The following SCCPDH variants were observed in gnomAD, a reference collection of about 807,000 sequenced individuals.
SCCPDH encodes saccharopine dehydrogenase-like oxidoreductase.
A neutral mutation model predicts 51.5 loss-of-function variants in SCCPDH; 34 were observed. The observed-to-expected ratio is 0.66, with a 90% CI of 0.50 to 0.88. The LOEUF (loss-of-function observed/expected upper bound fraction) is 0.88. Ranked by LOEUF, SCCPDH falls within the 40% of genes least tolerant of loss-of-function variation. SCCPDH has a pLI of 0.00. For missense variants in SCCPDH, 464 were observed against 527.1 expected, an observed-to-expected ratio of 0.88 and a Z score of 1.17; for synonymous variants, 187 against 191.3, an observed-to-expected ratio of 0.98 and a Z score of 0.19.
chr1:246,759,825 A>G, intron 7 of SCCPDH, 132 bp from the exon 8 acceptor site: 1 of 944,462 alleles, frequency 1.1e-6, no homozygotes, highest in Non-Finnish European at 1.6e-6. Flanking sequence ...TTCAGAACAT[A>G]ATGCATTTGT....
At chr1:246,746,058 A>G (rs1668753822) in intron 5 of SCCPDH, among the ~76,000 whole-genome samples, 1 of 148,228 alleles carries the variant, frequency 6.7e-6, no homozygotes, top group Non-Finnish European at 1.5e-5. Flanking sequence ...CAGTGAGCCA[A>G]GATCGCACCG....
chr1:246,731,078 A>T (rs1292383310), intron 2 of SCCPDH, among the ~76,000 whole-genome samples: 1 of 152,194 alleles, frequency 6.6e-6, no homozygotes, highest in East Asian at 1.9e-4. Context: ...AAAAAGAAGA[A>T]GATGAGACAT....
intron 5 of SCCPDH, 95 bp downstream of exon 5, chr1:246,744,220 T>A (rs557502680): frequency 2.5e-5 from 15 of 589,342 alleles, no homozygotes; most frequent in Middle Eastern, 3.7e-4. Context: ...TAATTTTTAA[T>A]GTGTGAAAGT....
chr1:246,726,824 A>G lies in SCCPDH; in HGVS notation c.191-68A>G, dbSNP rs938047166. On this transcript the variant is annotated intron_variant, in intron 1 of 11. Coordinates refer to ENST00000366510, the MANE Select transcript of SCCPDH (RefSeq NM_016002.3). The stretch of plus-strand genomic sequence containing the variant: ...GTAATTTGCTGTCACTGATTACTGT[A>G]AAAAGAAGATAAGGAAGATATAATC... 5.2e-5 allele frequency: 58 copies of G among 1,114,788 alleles called. 1 individual carries two copies. Among genetic ancestry groups the G allele is most frequent in the Non-Finnish European group, 7.3e-5 (54 of 741,100 alleles). The allele number at this position is 1,114,788 out of a possible 1,614,324, so 69.1% of individuals were successfully genotyped here.
rs60006587 is a variant in SCCPDH at position 246,756,432 on chromosome 1, A to G, written c.565-1794A>G. On this transcript the variant is annotated intron_variant, in intron 5 of 11. Coordinates refer to ENST00000366510, the MANE Select transcript of SCCPDH (RefSeq NM_016002.3). ...TACATGTACGTTGGCTTCATAACAT[A>G]CATGAATATACAATTTAATAAAATT... Among the ~76,000 whole-genome samples, 145 of 152,374 alleles carry G rather than the reference A, an allele frequency of 9.5e-4. 1 individual carries two copies. Among genetic ancestry groups the G allele is most frequent in the African/African-American group, 3.4e-3 (141 of 41,588 alleles).
chr1:246,726,186 G>A (rs984467073), intron 1 of SCCPDH, among the ~76,000 whole-genome samples: 4 of 152,144 alleles, frequency 2.6e-5, no homozygotes, highest in Admixed American at 1.3e-4. Flanking sequence ...CAGTCAGTCC[G>A]AAACTCTCCA....
intron 5 of SCCPDH, among the ~76,000 whole-genome samples, chr1:246,755,157 GA>G (rs1668911137): frequency 6.6e-6 from 1 of 152,200 alleles, no homozygotes; most frequent in African/African-American, 2.4e-5. Flanking sequence ...GACATAAATT[GA>G]AGGATCCAGC....
intron 4 of SCCPDH, among the ~76,000 whole-genome samples, chr1:246,741,983 C>T (rs951258110): frequency 2.6e-5 from 4 of 152,154 alleles, no homozygotes; most frequent in Non-Finnish European, 5.9e-5. Context: ...GCAGGAGAAT[C>T]GCTTGAACCC....
intron 5 of SCCPDH, among the ~76,000 whole-genome samples, chr1:246,745,451 A>T (rs1668743390): frequency 1.3e-5 from 2 of 152,240 alleles, no homozygotes; most frequent in Non-Finnish European, 2.9e-5. Flanking sequence ...TTTGGCAGGA[A>T]AGAAAAAAAT....
intron 2 of SCCPDH, among the ~76,000 whole-genome samples, chr1:246,729,270 C>T (rs953547106): frequency 6.6e-6 from 1 of 152,176 alleles, no homozygotes; most frequent in Non-Finnish European, 1.5e-5. Context: ...GAGCAGACAA[C>T]CAGTTTGACT....
At chr1:246,745,904 C>G (rs538747119) in intron 5 of SCCPDH, among the ~76,000 whole-genome samples, 28 of 151,702 alleles carry the variant, frequency 1.8e-4, no homozygotes, top group Non-Finnish European at 3.8e-4. Context: ...GTCAGGAGAT[C>G]GAGACCATCC....
chr1:246,724,578 G>C lies in SCCPDH; in HGVS notation c.156G>C (p.Leu52=). 2 of 1,524,362 alleles carry C rather than the reference G, an allele frequency of 1.3e-6. No individual in the cohort carries two copies. The highest frequency in any genetic ancestry group is 1.8e-6 in the Non-Finnish European group (2 of 1,138,602). The allele number at this position is 1,524,362 out of a possible 1,614,324, so 94.4% of individuals were successfully genotyped here. ...TGGCGGGCCGCTCCCGGGAGAAGCT[G>C]CAGCGGGTGCTGGAGAAGGCGGCCC... The part of the protein sequence containing the change: ...WAVAGRSREK[L]QRVLEKAALK... The change falls in exon 1 of 12, where the codon CTG becomes CTC. Residue 52 remains leucine (L), a synonymous_variant. Transcript: ENST00000366510.
intron 5 of SCCPDH, among the ~76,000 whole-genome samples, chr1:246,744,677 G>A (rs9287208): frequency 0.046 from 6,960 of 152,070 alleles, 535 homozygotes; most frequent in African/African-American, 0.16. Context: ...GTGCAGTGGT[G>A]TGATCTTGGC....
At chr1:246,741,331 T>TA (rs1315669836) in intron 4 of SCCPDH, among the ~76,000 whole-genome samples, 3 of 152,152 alleles carry the variant, frequency 2.0e-5, no homozygotes, top group African/African-American at 7.2e-5. Context: ...AGTGCCATTT[T>TA]AAAAAGTTTT....
At chr1:246,728,357 A>G (rs1333459099) in intron 2 of SCCPDH, among the ~76,000 whole-genome samples, 1 of 152,090 alleles carries the variant, frequency 6.6e-6, no homozygotes, top group African/African-American at 2.4e-5. Flanking sequence ...CCACTGCTGC[A>G]CTCTATAATG....
chr1:246,732,350 C>G (rs1186836354), intron 2 of SCCPDH, among the ~76,000 whole-genome samples: 1 of 151,512 alleles, frequency 6.6e-6, no homozygotes, highest in African/African-American at 2.4e-5. Context: ...ATTGATAAAA[C>G]TTGGTGACTT....
At chr1:246,729,019 G>A (rs573936352) in intron 2 of SCCPDH, among the ~76,000 whole-genome samples, 29 of 152,210 alleles carry the variant, frequency 1.9e-4, no homozygotes, top group East Asian at 3.8e-4. Flanking sequence ...GACAGGTTCC[G>A]TGGTGCCCCT....
chr1:246,762,350 C>A (rs1453042483), intron 9 of SCCPDH, among the ~76,000 whole-genome samples: 1 of 152,164 alleles, frequency 6.6e-6, no homozygotes, highest in Non-Finnish European at 1.5e-5. Context: ...GTGCAGGCTT[C>A]TGTCTCGTGG....
At chr1:246,752,640 G>A (rs948053134) in intron 5 of SCCPDH, among the ~76,000 whole-genome samples, 37 of 151,732 alleles carry the variant, frequency 2.4e-4, no homozygotes, top group African/African-American at 7.5e-4. Context: ...AACACGAATC[G>A]GAGGAATCTG....
Sources: allele counts gnomAD v4.1 joint callset (sites outside exome capture counted in the v4.1 genomes callset), GRCh38; gene constraint gnomAD v4.1.1; transcripts MANE v1.5; gene names NCBI Gene and HGNC (gene_info 2026-07-23, HGNC 2026-07-21).